Variants in TMEM207 observed in about 807,000 individuals in gnomAD.
The protein encoded by TMEM207 is SRSR846.
In TMEM207, 15 loss-of-function variants were observed where a neutral mutation model predicts 17.4. The observed-to-expected ratio is 0.86, with a 90% confidence interval of 0.58 to 1.33. TMEM207 has a LOEUF of 1.33. Ranked by LOEUF, TMEM207 falls within the 40% of genes most tolerant of loss-of-function variation. The probability of loss-of-function intolerance (pLI) is 0.00; values close to 1 mark genes in which losing one functional copy is unlikely to be tolerated. For missense variants in TMEM207, 205 were observed against 173.8 expected, an observed-to-expected ratio of 1.18 and a Z score of -1.01; for synonymous variants, 70 against 65.6, an observed-to-expected ratio of 1.07 and a Z score of -0.33.
intron 4 of TMEM207, among the ~76,000 whole-genome samples, chr3:190,437,168 T>C (rs1719818779): frequency 6.6e-6 from 1 of 151,962 alleles, no homozygotes; most frequent in Non-Finnish European, 1.5e-5. Context: ...AAGAATAGAG[T>C]GAGGATGGGC....
At chr3:190,440,015 T>C (rs1719894165) in intron 4 of TMEM207, among the ~76,000 whole-genome samples, 1 of 152,158 alleles carries the variant, frequency 6.6e-6, no homozygotes, top group African/African-American at 2.4e-5. Flanking sequence ...TTAGTTGCTT[T>C]CCTTATACTT....
intron 4 of TMEM207, among the ~76,000 whole-genome samples, chr3:190,434,049 C>T (rs1166986859): frequency 6.6e-6 from 1 of 152,128 alleles, no homozygotes; most frequent in East Asian, 1.9e-4. Flanking sequence ...GCTTCCTGTA[C>T]AGCCTGCAGA....
At position 190,429,558 on chromosome 3, in the gene TMEM207, G is replaced by T. The variant is rs1349632370; in HGVS notation, c.*37C>A. 1 of 1,605,958 alleles carries T rather than the reference G, an allele frequency of 6.2e-7. No individual in the cohort carries two copies. Among genetic ancestry groups the T allele is most frequent in the Non-Finnish European group, 8.5e-7 (1 of 1,174,506 alleles). On this transcript the variant is annotated 3_prime_UTR_variant, in exon 5 of 5. Coordinates refer to ENST00000354905, the MANE Select transcript of TMEM207 (RefSeq NM_207316.3). ...AATTTGATGTTTTGGAATTACAGAT[G>T]TCGTTAATACTTTAAATTGATAATC...
intron 4 of TMEM207, among the ~76,000 whole-genome samples, chr3:190,436,903 A>G (rs1455932940): frequency 1.3e-5 from 2 of 152,168 alleles, no homozygotes; most frequent in African/African-American, 4.8e-5. Flanking sequence ...ATCCACATCA[A>G]AGACTGTATG....
At chr3:190,446,351 G>C (rs1720050040) in intron 2 of TMEM207, among the ~76,000 whole-genome samples, 1 of 152,276 alleles carries the variant, frequency 6.6e-6, no homozygotes, top group East Asian at 1.9e-4. Flanking sequence ...TTTCCTTACA[G>C]ATTCATTCCG....
chr3:190,435,735 A>G (rs536806827), intron 4 of TMEM207, among the ~76,000 whole-genome samples: 1 of 152,334 alleles, frequency 6.6e-6, no homozygotes, highest in South Asian at 2.1e-4. Context: ...GAATCAGCAG[A>G]GTACTGTGAA....
At chr3:190,439,269 C>T (rs1338720448) in intron 4 of TMEM207, among the ~76,000 whole-genome samples, 2 of 146,846 alleles carry the variant, frequency 1.4e-5, no homozygotes, top group East Asian at 2.0e-4. Context: ...AAAAAAAAAG[C>T]TGGAGGTCAA....
At position 190,449,775 on chromosome 3, in the gene TMEM207, G is replaced by T. The variant is rs141346662; in HGVS notation, c.35C>A (p.Ala12Glu). Residue 12 changes from alanine (A) to glutamate (E), a missense_variant, in exon 1 of 5, where the codon GCG (alanine) becomes GAG (glutamate). Transcript: ENST00000354905. ...SRSRLFSVTS[A>E]ISTIGILCLP... ...ACACAAGATCCCTATCGTTGAGATC[G>T]CTGAGGTGACACTGAAAAGTCTGGA... is the stretch of plus-strand genomic sequence containing the variant. 9 of 1,613,672 alleles carry T rather than the reference G, an allele frequency of 5.6e-6. No homozygotes were observed. The African/African-American group carries it at 1.1e-4, about 19-fold the overall frequency.
At chr3:190,448,268 A>T (rs927250840) in intron 1 of TMEM207, among the ~76,000 whole-genome samples, 2 of 152,104 alleles carry the variant, frequency 1.3e-5, no homozygotes, top group Non-Finnish European at 2.9e-5. Context: ...GCCTATTAGC[A>T]TTAATGGGCA....
Position 190,441,481 on chromosome 3 carries a change from A to T in TMEM207, c.115T>A (p.Cys39Ser), listed in dbSNP as rs201692661. 1.4e-5 allele frequency: 22 copies of T among 1,611,026 alleles called. No individual in the cohort carries two copies. The East Asian group carries it at 4.7e-4, about 34-fold the overall frequency. The part of the protein sequence containing the change: ...SDLPCEEDEM[C>S]VNYNDQHPNG... ...GGGTGTTGGTCATTATAATTTACAC[A>T]CCTGGTGATAAAGGGAGAGCGTTAG... The change falls in exon 3 of 5, where the codon TGT becomes AGT. Residue 39 changes from cysteine (C) to serine (S), a missense_variant and splice_region_variant. Physicochemically the swap from Cys to Ser is moderately radical, Grantham distance 112 (BLOSUM62 -1). Coordinates refer to ENST00000354905, the MANE Select transcript of TMEM207 (RefSeq NM_207316.3).
chr3:190,445,600 A>G (rs925838992), intron 2 of TMEM207, among the ~76,000 whole-genome samples: 1 of 152,102 alleles, frequency 6.6e-6, no homozygotes. Flanking sequence ...ATCTCGGCTC[A>G]CTGCAACCGC....
chr3:190,441,382 A>G (rs1577446504), intron 3 of TMEM207, 56 bp downstream of exon 3: 1 of 1,387,292 alleles, frequency 7.2e-7, no homozygotes, highest in Non-Finnish European at 1.0e-6. Flanking sequence ...ATTATTTAGG[A>G]CAAAGACTGT....
At chr3:190,446,685 C>G (rs948664673) in intron 2 of TMEM207, among the ~76,000 whole-genome samples, 10 of 152,192 alleles carry the variant, frequency 6.6e-5, no homozygotes, top group East Asian at 1.9e-4. Context: ...GAGCGGTAGC[C>G]TCAGCTACCG....
At chr3:190,442,836 C>A (rs1431210026) in intron 2 of TMEM207, among the ~76,000 whole-genome samples, 1 of 152,152 alleles carries the variant, frequency 6.6e-6, no homozygotes, top group East Asian at 1.9e-4. Context: ...AGTCTTGCTA[C>A]ATAAAATAGT....
At chr3:190,447,064 G>A (rs1720066652) in intron 2 of TMEM207, among the ~76,000 whole-genome samples, 1 of 151,084 alleles carries the variant, frequency 6.6e-6, no homozygotes, top group Non-Finnish European at 1.5e-5. Flanking sequence ...AATTTCTGCT[G>A]TGAAATACAG....
At position 190,440,388 on chromosome 3, in the gene TMEM207, T is replaced by C. The variant is rs983910863; in HGVS notation, c.160A>G (p.Ile54Val). The C allele has an allele frequency of 4.4e-6, 7 of 1,607,876 alleles. No individual in the cohort carries two copies. Among genetic ancestry groups the C allele is most frequent in the Non-Finnish European group, 5.9e-6 (7 of 1,178,200 alleles). Residue 54 changes from isoleucine (I) to valine (V), a missense_variant and splice_region_variant, in exon 4 of 5, where the codon ATC becomes GTC. Physicochemically the swap from Ile to Val is conservative, Grantham distance 29. Coordinates refer to ENST00000354905, the MANE Select transcript of TMEM207 (RefSeq NM_207316.3). ...GCCACCAAAACCAGCAGCAGGAGGA[T>C]CCTGACTCCAAAAGTAACCGAGAAA... ...DQHPNGWYIW[I>V]LLLLVLVAAL...
At chr3:190,446,382 C>A (rs1334024341) in intron 2 of TMEM207, among the ~76,000 whole-genome samples, 1 of 152,180 alleles carries the variant, frequency 6.6e-6, no homozygotes, top group Non-Finnish European at 1.5e-5. Flanking sequence ...CTTGCGATAA[C>A]AAAAGATTTG....
At chr3:190,447,657 C>T (rs1294554211) in intron 2 of TMEM207, 133 bp downstream of exon 2, 2 of 756,654 alleles carry the variant, frequency 2.6e-6, no homozygotes, top group African/African-American at 3.6e-5. Flanking sequence ...CATTTACAAA[C>T]CATTTACTTT....
At chr3:190,440,861 G>T (rs1251691856) in intron 3 of TMEM207, among the ~76,000 whole-genome samples, 1 of 152,196 alleles carries the variant, frequency 6.6e-6, no homozygotes, top group African/African-American at 2.4e-5. Flanking sequence ...GAGGTCAGGA[G>T]ATCGAGAACA....
Sources: gnomAD v4.1 joint callset for allele counts (sites outside exome capture counted in the v4.1 genomes callset) on GRCh38, gnomAD v4.1.1 for gene constraint, MANE v1.5 for transcripts, NCBI Gene and HGNC (gene_info 2026-07-23, HGNC 2026-07-21) for gene names.